The following RALGDS variants were observed in gnomAD, a reference collection of about 807,000 sequenced individuals.
The protein encoded by RALGDS is ral guanine nucleotide exchange factor.
RALGDS carries 44 observed loss-of-function variants against 99.8 expected under a neutral mutation model. That is an observed-to-expected ratio of 0.44 (90% CI 0.35 to 0.57). RALGDS has a LOEUF of 0.57. Among genes scored for constraint, RALGDS ranks in the 20% least tolerant of loss-of-function variants. RALGDS has a pLI of 0.01. For synonymous variants in RALGDS, 529 were observed against 505.0 expected (o/e 1.05, Z -0.64); for missense variants, 1,022 against 1,203.1 (o/e 0.85, Z 2.23).
intron 16 of RALGDS, chr9:133,101,312 G>A (rs753264223): frequency 1.4e-6 from 2 of 1,401,272 alleles, no homozygotes; most frequent in Non-Finnish European, 1.9e-6. Flanking sequence ...GCTCCTGGGG[G>A]CTTTGCACGG....
At chr9:133,117,332 T>C (rs1461516927) in intron 1 of RALGDS, among the ~76,000 whole-genome samples, 1 of 152,210 alleles carries the variant, frequency 6.6e-6, no homozygotes, top group Non-Finnish European at 1.5e-5. Context: ...GCTAGGGGGC[T>C]GAGCTGGCAT....
rs915553308 is a variant in RALGDS at position 133,103,897 on chromosome 9, C to T, written c.1672-64G>A. ...CCTGAAGGCTTTCTCAGCCCCCAGC[C>T]CCAACTGGTCTCACTTGGAACAGCT... On this transcript the variant is annotated intron_variant, in intron 10 of 17. Coordinates refer to ENST00000372050, the MANE Select transcript of RALGDS (RefSeq NM_006266.4). 1.9e-5 allele frequency: 29 copies of T among 1,496,436 alleles called. No homozygotes were observed. In the African/African-American group the frequency reaches 3.7e-4, roughly 19 times the overall value. 92.7% of individuals were successfully genotyped at this position (1,496,436 alleles called of 1,614,324 possible).
At chr9:133,117,285 G>A (rs564783167) in intron 1 of RALGDS, among the ~76,000 whole-genome samples, 2 of 152,208 alleles carry the variant, frequency 1.3e-5, no homozygotes, top group African/African-American at 4.8e-5. Context: ...CCATTTTACA[G>A]ATGAGGAAAC....
intron 1 of RALGDS, among the ~76,000 whole-genome samples, chr9:133,137,872 C>T (rs1227338604): frequency 6.6e-6 from 1 of 152,222 alleles, no homozygotes; most frequent in Non-Finnish European, 1.5e-5. Context: ...GAGACCCCTC[C>T]CCAAGGCACA....
At chr9:133,143,680 A>G (rs1832562731) in intron 1 of RALGDS, among the ~76,000 whole-genome samples, 1 of 151,108 alleles carries the variant, frequency 6.6e-6, no homozygotes, top group African/African-American at 2.4e-5. Flanking sequence ...TCGAGGACGC[A>G]GTGAGCCGTG....
intron 1 of RALGDS, among the ~76,000 whole-genome samples, chr9:133,120,459 G>A (rs1168419035): frequency 1.6e-5 from 1 of 64,280 alleles, no homozygotes; most frequent in Non-Finnish European, 2.9e-5. Flanking sequence ...GAGCAGCCCC[G>A]ATGTCCCTGG....
intron 1 of RALGDS, among the ~76,000 whole-genome samples, chr9:133,114,506 C>T (rs1423982547): frequency 6.6e-6 from 1 of 152,196 alleles, no homozygotes; most frequent in Non-Finnish European, 1.5e-5. Context: ...TGCCCCAGAA[C>T]CCTCTGCAGC....
intron 1 of RALGDS, among the ~76,000 whole-genome samples, chr9:133,143,807 TAATAATAATAATAA>T (rs1243167629): frequency 1.4e-5 from 2 of 142,780 alleles, no homozygotes; most frequent in African/African-American, 5.7e-5. Flanking sequence ...ATAATAATAA[TAATAATAATAATAA>T]AATAAAGGAA....
At chr9:133,142,548 G>A (rs959437004) in intron 1 of RALGDS, among the ~76,000 whole-genome samples, 8 of 152,098 alleles carry the variant, frequency 5.3e-5, no homozygotes, top group African/African-American at 1.2e-4. Flanking sequence ...AATGCTTCCC[G>A]TTCCCTTTCC....
rs1832584863 is a variant in RALGDS, at chr9:133,144,104, C to T, written c.18+4859G>A. Among the ~76,000 whole-genome samples the T allele has an allele frequency of 6.6e-6, 1 of 152,178 alleles. No individual in the cohort carries two copies. Among genetic ancestry groups the T allele is most frequent in the Non-Finnish European group, 1.5e-5 (1 of 68,030 alleles). On this transcript the variant is annotated intron_variant, in intron 1 of 17. Coordinates refer to the RALGDS transcript ENST00000393160. This position sits in a 1 kb window ranked among gnomAD's most constrained non-coding sequence, Gnocchi z 4.5. ...CCCCTCAAGTCTCTATCTGCACAGA[C>T]AGCCCACCCGTGCCCAGGGCTGCCT...
chr9:133,102,482 C>T lies in RALGDS; in HGVS notation c.2003G>A (p.Trp668Ter). The stretch of plus-strand genomic sequence containing the variant: ...CCCTTGGCCAGGCCCTTACTCGCTC[C>T]AGCGCTTGACAATGGCTGTGTTCTT... ...TKKNTAIVKR[W>*]SDRQAPSTEL... The change falls in exon 14 of 18, where the codon TGG becomes TAG. Residue 668 changes from tryptophan (W) to a stop codon, truncating the protein, a stop_gained. Transcript: ENST00000372050. LOFTEE classifies it high-confidence loss of function. The T allele has an allele frequency of 6.2e-7, 1 of 1,614,074 alleles. No individual in the cohort carries two copies.
upstream of RALGDS, among the ~76,000 whole-genome samples, chr9:133,132,866 T>C (rs954677331): frequency 2.0e-5 from 3 of 152,092 alleles, no homozygotes; most frequent in African/African-American, 4.8e-5. Context: ...CTCAAACTCC[T>C]GACGTCGAGA....
chr9:133,112,214 C>T, intron 1 of RALGDS, 62 bp from the exon 2 acceptor site: 5 of 1,100,142 alleles, frequency 4.5e-6, no homozygotes, highest in Non-Finnish European at 6.8e-6. Context: ...GGCCACCGTG[C>T]AGGGGATGCA....
chr9:133,137,633 A>G (rs1436870145), intron 1 of RALGDS, among the ~76,000 whole-genome samples: 1 of 152,210 alleles, frequency 6.6e-6, no homozygotes, highest in Non-Finnish European at 1.5e-5. Flanking sequence ...AAGAGCGAGG[A>G]GGAAGGCAGC....
intron 1 of RALGDS, among the ~76,000 whole-genome samples, chr9:133,116,987 C>T (rs1831640522): frequency 6.6e-6 from 1 of 152,204 alleles, no homozygotes; most frequent in South Asian, 2.1e-4. Flanking sequence ...GTGGCAGGGC[C>T]AGCTTTCTAG....
intron 1 of RALGDS, among the ~76,000 whole-genome samples, chr9:133,126,630 GGGAGTCACTGCCACCCC>G (rs1413948092): frequency 6.6e-6 from 1 of 152,158 alleles, no homozygotes; most frequent in Non-Finnish European, 1.5e-5. Context: ...CGACACCCTG[GGGAGTCACTGCCACCCC>G]GGAGGGGCCA....
In RALGDS at chr9:133,131,031, G is replaced by A. The variant is rs533570088; in HGVS notation, c.53C>T (p.Pro18Leu). The change falls in exon 1 of 18, where the codon CCT (proline) becomes CTT (leucine). Residue 18 changes from proline to leucine, a missense_variant. Coordinates refer to the RALGDS transcript ENST00000372062. ...ACAGGGCAGGGAGCAGAACAGCAGA[G>A]GCGGGGAGGAGAGGGTGTGGGCAGG... is the stretch of plus-strand genomic sequence containing the variant. 4.8e-5 allele frequency: 73 copies of A among 1,534,096 alleles called. 1 individual carries two copies. The South Asian group carries it at 7.5e-4, about 16-fold the overall frequency.
At chr9:133,100,772 G>C (rs1830718224) in intron 16 of RALGDS, 2 of 1,156,590 alleles carry the variant, frequency 1.7e-6, no homozygotes, top group East Asian at 1.2e-4. Flanking sequence ...GGGCCGGCCA[G>C]GATGCTCAGT....
chr9:133,142,780 C>T (rs1422165673), intron 1 of RALGDS, among the ~76,000 whole-genome samples: 5 of 152,210 alleles, frequency 3.3e-5, no homozygotes, highest in South Asian at 4.1e-4. Context: ...GTCTCCTTGC[C>T]GCCATTAACC....
Sources: allele counts gnomAD v4.1 joint callset (sites outside exome capture counted in the v4.1 genomes callset), GRCh38; gene constraint gnomAD v4.1.1; non-coding constraint Gnocchi (gnomAD v3.1); transcripts MANE v1.5; gene names NCBI Gene and HGNC (gene_info 2026-07-23, HGNC 2026-07-21).